YEATS4: variants seen among roughly 807,000 people sequenced by gnomAD.
YEATS4 encodes the protein YEATS domain-containing protein 4.
A neutral mutation model predicts 30.1 loss-of-function variants in YEATS4; 17 were observed. That is an observed-to-expected ratio of 0.56 (90% CI 0.39 to 0.85). The LOEUF is 0.85. Among genes scored for constraint, YEATS4 ranks in the 40% least tolerant of loss-of-function variants. YEATS4 has a pLI of 0.00. For missense variants in YEATS4, 142 were observed against 268.3 expected, an observed-to-expected ratio of 0.53 and a Z score of 3.29; for synonymous variants, 85 against 87.5, an observed-to-expected ratio of 0.97 and a Z score of 0.16.
chr12:69,423,081 G>A, the YEATS4 span: 1 of 152,238 alleles, frequency 6.6e-6, no homozygotes, highest in Admixed American at 6.5e-5. Context: ...TAGACATTGA[G>A]ATCATCTGCT....
chr12:69,423,266 G>A, the YEATS4 span, among the ~76,000 whole-genome samples: 1 of 152,136 alleles, frequency 6.6e-6, no homozygotes, highest in Non-Finnish European at 1.5e-5. Context: ...TTAAGTGGCT[G>A]CTTCATTCTG....
At chr12:69,415,027 T>A in the YEATS4 span, among the ~76,000 whole-genome samples, 3 of 152,214 alleles carry the variant, frequency 2.0e-5, no homozygotes, top group Middle Eastern at 3.2e-3. Flanking sequence ...TGCATGCAGA[T>A]GTTCACAAAG....
chr12:69,369,571 C>T (rs945606876), intron 4 of YEATS4, among the ~76,000 whole-genome samples: 1 of 152,180 alleles, frequency 6.6e-6, no homozygotes, highest in African/African-American at 2.4e-5. Context: ...CTCCTGGGAG[C>T]TCTGGCTCAC....
At chr12:69,395,174 ATATAT>A (rs776192900), downstream of YEATS4, among the ~76,000 whole-genome samples, 4 of 152,242 alleles carry the variant, frequency 2.6e-5, no homozygotes, top group East Asian at 1.9e-4. Context: ...AGTTTTAGGA[ATATAT>A]TATTTATTTT....
At chr12:69,413,015 C>T in the YEATS4 span, among the ~76,000 whole-genome samples, 31 of 152,032 alleles carry the variant, frequency 2.0e-4, no homozygotes, top group Admixed American at 7.2e-4. Context: ...GAAAAAAAAC[C>T]CCAGATGTTG....
At chr12:69,381,919 G>A (rs1018455088) in intron 6 of YEATS4, among the ~76,000 whole-genome samples, 2 of 152,184 alleles carry the variant, frequency 1.3e-5, no homozygotes, top group Non-Finnish European at 2.9e-5. Context: ...ATTTACTACA[G>A]TGGAGCCCCC....
downstream of YEATS4, among the ~76,000 whole-genome samples, chr12:69,391,161 G>A (rs756093526): frequency 2.6e-5 from 4 of 152,216 alleles, no homozygotes; most frequent in Admixed American, 1.3e-4. Context: ...AGGCATGGTG[G>A]CACATGCCTG....
At chr12:69,369,936 T>C (rs1875577257) in intron 4 of YEATS4, among the ~76,000 whole-genome samples, 1 of 152,204 alleles carries the variant, frequency 6.6e-6, no homozygotes, top group African/African-American at 2.4e-5. Context: ...TTAAATTCAG[T>C]TGCAAGGAAT....
At chr12:69,363,293 G>A (rs561078914) in intron 2 of YEATS4, among the ~76,000 whole-genome samples, 53 of 151,974 alleles carry the variant, frequency 3.5e-4, no homozygotes, top group Admixed American at 1.7e-3. Context: ...GCGCCCGGCC[G>A]ACAACCTGTA....
chr12:69,408,468 G>A, the YEATS4 span, among the ~76,000 whole-genome samples: 1 of 152,212 alleles, frequency 6.6e-6, no homozygotes, highest in Non-Finnish European at 1.5e-5. Flanking sequence ...GGGAAATAAA[G>A]GATGTGCGCA....
the YEATS4 span, among the ~76,000 whole-genome samples, chr12:69,419,592 T>C: frequency 2.0e-5 from 3 of 152,180 alleles, no homozygotes; most frequent in Non-Finnish European, 2.9e-5. Context: ...CTATGCCTCA[T>C]TCATCTTTGT....
downstream of YEATS4, among the ~76,000 whole-genome samples, chr12:69,394,787 T>C (rs1448458545): frequency 6.6e-6 from 1 of 152,086 alleles, no homozygotes; most frequent in Non-Finnish European, 1.5e-5. Context: ...TTTTGTAGAA[T>C]TTCGCCATAG....
At chr12:69,418,467 T>C in the YEATS4 span, among the ~76,000 whole-genome samples, 1 of 152,064 alleles carries the variant, frequency 6.6e-6, no homozygotes, top group Admixed American at 6.5e-5. Context: ...AAACATTGTT[T>C]ATTGGTTTTC....
chr12:69,375,615 T>C (rs1018159818), intron 6 of YEATS4, among the ~76,000 whole-genome samples: 2 of 151,928 alleles, frequency 1.3e-5, no homozygotes, highest in Non-Finnish European at 2.9e-5. Context: ...TGGGCAACAT[T>C]GAGCACTGAG....
At chr12:69,389,311 A>G (rs754724038) in intron 6 of YEATS4, among the ~76,000 whole-genome samples, 3 of 151,630 alleles carry the variant, frequency 2.0e-5, no homozygotes, top group Non-Finnish European at 4.4e-5. Flanking sequence ...TTAGCCGGGC[A>G]TGGCAGCATG....
chr12:69,387,165 A>T (rs1388383455), intron 6 of YEATS4, among the ~76,000 whole-genome samples: 1 of 152,218 alleles, frequency 6.6e-6, no homozygotes, highest in Non-Finnish European at 1.5e-5. Flanking sequence ...CAATAACCCA[A>T]TAGGAAAATG....
the YEATS4 span, among the ~76,000 whole-genome samples, chr12:69,403,014 C>T: frequency 4.6e-5 from 7 of 152,110 alleles, no homozygotes; most frequent in African/African-American, 1.4e-4. Flanking sequence ...TGAGCCACCA[C>T]GCCCGGCTTG....
chr12:69,390,241 A>T lies in YEATS4; in HGVS notation c.609A>T (p.Ala203=), dbSNP rs772751086. The change falls in exon 7 of 7, where the codon GCA becomes GCT. Residue 203 remains alanine, a synonymous_variant. Transcript: ENST00000247843. Reference sequence around the variant, plus strand: ...CAGAGCTTAAGGAGAGATTAAAAGCAAGTCGTGAAACTATAAATTGTTTAA... The same window carrying T: ...CAGAGCTTAAGGAGAGATTAAAAGCTAGTCGTGAAACTATAAATTGTTTAA... ...EIAELKERLK[A]SRETINCLKN... is the part of the protein sequence containing the mutation. 11 of 1,601,734 alleles carry T rather than the reference A, an allele frequency of 6.9e-6. No homozygotes were observed. The South Asian group carries it at 1.0e-4, about 15-fold the overall frequency.
chr12:69,367,615 C>G (rs1312725808), intron 4 of YEATS4, among the ~76,000 whole-genome samples: 2 of 152,208 alleles, frequency 1.3e-5, no homozygotes, highest in Non-Finnish European at 2.9e-5. Flanking sequence ...TTCCTCTCGC[C>G]TTGCCCTCCC....
Sources: gnomAD v4.1 joint callset for allele counts (sites outside exome capture counted in the v4.1 genomes callset) on GRCh38, gnomAD v4.1.1 for gene constraint, MANE v1.5 for transcripts, NCBI Gene and HGNC (gene_info 2026-07-23, HGNC 2026-07-21) for gene names.